The following NLGN4X variants were observed in gnomAD, a reference collection of about 807,000 sequenced individuals.
The protein encoded by NLGN4X is neuroligin-4, X-linked.
Under a neutral mutation model 40.3 loss-of-function variants are expected in NLGN4X, and 3 were observed. That is an observed-to-expected ratio of 0.07 (90% CI 0.03 to 0.19). The LOEUF is 0.19. NLGN4X is among the 10% of genes least tolerant of loss of function. The pLI is 1.00. For synonymous variants in NLGN4X, 270 were observed against 306.8 expected (o/e 0.88, Z 1.25); for missense variants, 382 against 708.3 (o/e 0.54, Z 5.23).
intron 3 of NLGN4X, among the ~76,000 whole-genome samples, chrX:5,965,346 T>C (rs1465602536): frequency 2.7e-5 from 3 of 111,990 alleles, no homozygotes; most frequent in Admixed American, 1.9e-4. Flanking sequence ...GAAGGTGGGA[T>C]AGTCAATAAA....
At chrX:5,978,297 TTTCTTTCTTTCTTTCTTTC>T (rs2035257543) in intron 3 of NLGN4X, among the ~76,000 whole-genome samples, 1 of 72,684 alleles carries the variant, frequency 1.4e-5, no homozygotes, top group South Asian at 7.5e-4. Context: ...TCTTTCTTTC[TTTCTTTCTTTCTTTCTTTC>T]TTTCTTTCTT....
At chrX:6,135,000 T>C (rs993505428) in intron 2 of NLGN4X, among the ~76,000 whole-genome samples, 1 of 112,871 alleles carries the variant, frequency 8.9e-6, no homozygotes, top group Non-Finnish European at 1.9e-5. Context: ...GTTCACCAGA[T>C]CAGCTCCCCA....
chrX:6,037,078 C>T (rs952602784), intron 2 of NLGN4X, among the ~76,000 whole-genome samples: 1 of 110,700 alleles, frequency 9.0e-6, no homozygotes, highest in African/African-American at 3.3e-5. Flanking sequence ...TTTGGGACGT[C>T]GAGGTGGGCG....
chrX:6,144,852 T>C (rs979834685), intron 2 of NLGN4X, among the ~76,000 whole-genome samples: 2 of 111,360 alleles, frequency 1.8e-5, no homozygotes, highest in African/African-American at 3.3e-5. Context: ...AGGCAGAGTA[T>C]TGAAGAAGTC....
intron 3 of NLGN4X, among the ~76,000 whole-genome samples, chrX:5,929,081 T>C (rs1040069315): frequency 7.3e-5 from 8 of 109,306 alleles, no homozygotes; most frequent in African/African-American, 1.0e-4. Context: ...AGACAGAAGC[T>C]TGTTCATTTT....
chrX:6,115,490 G>A (rs1294771359), intron 2 of NLGN4X, among the ~76,000 whole-genome samples: 1 of 111,531 alleles, frequency 9.0e-6, no homozygotes, highest in Non-Finnish European at 1.9e-5. Context: ...TCGCCTTGAA[G>A]GAGAGAGATG....
intron 5 of NLGN4X, among the ~76,000 whole-genome samples, chrX:5,898,653 T>C (rs1397006944): frequency 9.0e-6 from 1 of 111,225 alleles, no homozygotes; most frequent in Non-Finnish European, 1.9e-5. Flanking sequence ...CGATCCTTTC[T>C]CCACGGCACC....
At chrX:6,042,527 AGT>A (rs1365005439) in intron 2 of NLGN4X, among the ~76,000 whole-genome samples, 1 of 105,259 alleles carries the variant, frequency 9.5e-6, no homozygotes, top group Non-Finnish European at 1.9e-5. Flanking sequence ...ATTAAACCAC[AGT>A]GTGTTTAAAA....
chrX:6,058,528 G>A (rs1237457619), intron 2 of NLGN4X, among the ~76,000 whole-genome samples: 1 of 111,883 alleles, frequency 8.9e-6, no homozygotes, highest in Non-Finnish European at 1.9e-5. Context: ...CACATTCATT[G>A]TTAGAAATTT....
chrX:6,176,740 A>G (rs191763711), intron 1 of NLGN4X, among the ~76,000 whole-genome samples: 46 of 112,163 alleles, frequency 4.1e-4, no homozygotes, highest in Non-Finnish European at 7.3e-4. Flanking sequence ...GTCCTCTCCT[A>G]GAGCCTCCAA....
intron 2 of NLGN4X, among the ~76,000 whole-genome samples, chrX:6,072,213 G>A (rs1226495938): frequency 1.8e-5 from 2 of 110,586 alleles, no homozygotes; most frequent in Admixed American, 9.7e-5. Flanking sequence ...ATTTACCTCC[G>A]TGAAACAAAC....
chrX:6,069,015 T>G (rs1404835228), intron 2 of NLGN4X, among the ~76,000 whole-genome samples: 2 of 111,919 alleles, frequency 1.8e-5, no homozygotes, highest in African/African-American at 6.5e-5. Context: ...TGGGGCCGGG[T>G]ACGGTGGCTC....
chrX:6,187,042 T>C (rs1922078800), intron 1 of NLGN4X: 1 of 108,418 alleles, frequency 9.2e-6, no homozygotes, highest in Admixed American at 9.9e-5. Flanking sequence ...TTCACGCCAT[T>C]CTCCTGCCTC....
intron 2 of NLGN4X, among the ~76,000 whole-genome samples, chrX:6,070,503 G>A (rs1049730156): frequency 9.0e-6 from 1 of 111,492 alleles, no homozygotes; most frequent in Non-Finnish European, 1.9e-5. Flanking sequence ...CAACACTTTG[G>A]GAGGTCTAGG....
intron 1 of NLGN4X, among the ~76,000 whole-genome samples, chrX:6,163,279 A>G (rs963167431): frequency 2.7e-5 from 3 of 112,314 alleles, no homozygotes; most frequent in Non-Finnish European, 3.8e-5. Context: ...ATTTAGAACA[A>G]TAAGTATTCC....
chrX:5,951,583 A>T (rs939761644), intron 3 of NLGN4X, among the ~76,000 whole-genome samples: 12 of 111,096 alleles, frequency 1.1e-4, no homozygotes, highest in African/African-American at 3.9e-4. Context: ...GCTTGTAAAA[A>T]AAATTGCTCA....
At chrX:6,226,832 A>C (rs1457699988) in intron 1 of NLGN4X, 1 of 121,362 alleles carries the variant, frequency 8.2e-6, no homozygotes, top group Non-Finnish European at 1.7e-5. Context: ...CAAGCCCCCC[A>C]CCCACGCATC....
chrX:5,973,209 C>G (rs2035076321), intron 3 of NLGN4X, among the ~76,000 whole-genome samples: 1 of 112,289 alleles, frequency 8.9e-6, no homozygotes, highest in Admixed American at 9.4e-5. Context: ...AGGAAGCAAA[C>G]CTGGCCAGGA....
At chrX:5,915,986 G>A (rs2146793800) in intron 3 of NLGN4X, among the ~76,000 whole-genome samples, 1 of 111,796 alleles carries the variant, frequency 8.9e-6, no homozygotes, top group Admixed American at 9.5e-5. Flanking sequence ...CTGCATCCTA[G>A]TGTCTGAGAT....
Sources: gnomAD v4.1 joint callset for allele counts (sites outside exome capture counted in the v4.1 genomes callset) on GRCh38, gnomAD v4.1.1 for gene constraint, MANE v1.5 for transcripts, NCBI Gene and HGNC (gene_info 2026-07-23, HGNC 2026-07-21) for gene names.